The following ERG28 variants were observed in gnomAD, a reference collection of about 807,000 sequenced individuals.
ERG28 encodes ergosterol biosynthesis 28 homolog.
Under a neutral mutation model 15.7 loss-of-function variants are expected in ERG28, and 9 were observed. The ratio of observed to expected loss-of-function variants is 0.57; its 90% CI spans 0.35 to 1.00. ERG28 has a LOEUF of 1.00. Among genes scored for constraint, ERG28 ranks in the 50% least tolerant of loss-of-function variants. The probability of loss-of-function intolerance (pLI) is 0.02; values close to 1 mark genes in which losing one functional copy is unlikely to be tolerated. For missense variants in ERG28, 117 were observed against 173.3 expected (o/e 0.68, Z 1.82); for synonymous variants, 61 against 68.4 (o/e 0.89, Z 0.53).
rs572678895 is a variant in ERG28 at position 75,655,810 on chromosome 14, A to G, written c.134-834T>C. Among the ~76,000 whole-genome samples the G allele has an allele frequency of 7.9e-5, 12 of 152,334 alleles. No homozygotes were observed. In the South Asian group the frequency reaches 2.1e-3, roughly 26 times the overall value. ...GTTTGGGTAATTTAAATGCAAAACC[A>G]TTGAGCTAAGGCATCCAGTGGCTCG... is the stretch of plus-strand genomic sequence containing the variant. On this transcript the variant is annotated intron_variant, in intron 2 of 4. Transcript: ENST00000256319.
chr14:75,653,419 T>C (rs1460861857), intron 3 of ERG28, among the ~76,000 whole-genome samples: 2 of 151,462 alleles, frequency 1.3e-5, no homozygotes, highest in African/African-American at 4.9e-5. Flanking sequence ...CTGGCCAACA[T>C]GGTGAGAACC....
rs1258945695 is a variant in ERG28 at position 75,656,311 on chromosome 14, CACACACACACACAT to C, written c.133+1045_133+1058del. 6.1e-3 allele frequency among the ~76,000 whole-genome samples: 902 copies of C among 148,836 alleles called. 8 individuals carry two copies. The highest frequency in any genetic ancestry group is 0.022 in the African/African-American group (849 of 38,824). On this transcript the variant is annotated intron_variant, in intron 2 of 4. Coordinates refer to ENST00000256319, the MANE Select transcript of ERG28 (RefSeq NM_007176.4). ...ACACACACACACACACACACACACA[CACACACACACACAT>C]AAAGTTCTGCTCAGCTATATGCCTT...
At chr14:75,659,506 C>A (rs1344888808) in intron 1 of ERG28, among the ~76,000 whole-genome samples, 1 of 151,438 alleles carries the variant, frequency 6.6e-6, no homozygotes, top group Non-Finnish European at 1.5e-5. Context: ...CTGATCCACT[C>A]ACCTTGGCCT....
At chr14:75,656,315 CACACACACAT>C (rs774070407) in intron 2 of ERG28, among the ~76,000 whole-genome samples, 1,918 of 145,798 alleles carry the variant, frequency 0.013, 17 homozygotes, top group South Asian at 0.034. Flanking sequence ...CACACACACA[CACACACACAT>C]AAAGTTCTGC....
intron 2 of ERG28, among the ~76,000 whole-genome samples, chr14:75,656,279 AACACACAC>A (rs34053718): frequency 0.012 from 1,635 of 135,960 alleles, 25 homozygotes; most frequent in African/African-American, 0.037. Context: ...GTGCTGGCTG[AACACACAC>A]ACACACACAC....
chr14:75,658,661 G>T (rs1298729135), intron 1 of ERG28, among the ~76,000 whole-genome samples: 2 of 152,226 alleles, frequency 1.3e-5, no homozygotes, highest in East Asian at 3.8e-4. Flanking sequence ...AAAGTGAACA[G>T]GGTTCATATG....
rs1326266174 is a variant in ERG28, at chr14:75,657,421, G to C, written c.82C>G (p.Arg28Gly). ...TTTTCATAGAGAAAAGTGTGGTCTC[G>C]GAAGCTCTGCAGCGTGTTCCCCATG... ...IAMGNTLQSF[R>G]DHTFLYEKLY... Residue 28 changes from arginine (R) to glycine (G), a missense_variant, in exon 2 of 5, where the codon CGA (arginine) becomes GGA (glycine). Arg to Gly is a moderately radical substitution (Grantham distance 125). Coordinates refer to ENST00000256319, the MANE Select transcript of ERG28 (RefSeq NM_007176.4). 1 of 1,613,272 alleles carries C rather than the reference G, an allele frequency of 6.2e-7. No individual in the cohort carries two copies. The highest frequency in any genetic ancestry group is 1.3e-5 in the African/African-American group (1 of 74,696).
chr14:75,658,418 G>A (rs960058415), intron 1 of ERG28, among the ~76,000 whole-genome samples: 2 of 152,072 alleles, frequency 1.3e-5, no homozygotes, highest in African/African-American at 4.8e-5. Context: ...AACAATTGCA[G>A]CTCATCCAGC....
intron 3 of ERG28, among the ~76,000 whole-genome samples, chr14:75,653,848 G>T (rs1416012544): frequency 6.6e-6 from 1 of 151,962 alleles, no homozygotes; most frequent in African/African-American, 2.4e-5. Flanking sequence ...CTACTGCAAA[G>T]CTAGTTACCA....
chr14:75,651,733 C>T lies in ERG28; in HGVS notation c.343+38G>A, dbSNP rs760938402. ...CTCTGTACTAGCTCTAGAGCTGGCA[C>T]AGCTCCTGTAGGAGGTCTAGGGTGG... On this transcript the variant is annotated intron_variant, in intron 4 of 4. Transcript: ENST00000256319. The T allele has an allele frequency of 3.1e-6, 5 of 1,595,792 alleles. No homozygotes were observed. In the South Asian group the frequency reaches 3.3e-5, roughly 11 times the overall value.
chr14:75,654,719 C>G (rs1476258850), intron 3 of ERG28, among the ~76,000 whole-genome samples, 167 bp downstream of exon 3: 1 of 152,206 alleles, frequency 6.6e-6, no homozygotes, highest in Non-Finnish European at 1.5e-5. Flanking sequence ...GTTAGGTCTA[C>G]TATGTTTTCT....
chr14:75,653,261 G>C (rs559828930), intron 3 of ERG28, among the ~76,000 whole-genome samples: 1 of 152,262 alleles, frequency 6.6e-6, no homozygotes, highest in African/African-American at 2.4e-5. Context: ...AGCGTTTGCA[G>C]CTGTCCTGTG....
At chr14:75,656,091 T>C (rs919755452) in intron 2 of ERG28, among the ~76,000 whole-genome samples, 15 of 152,292 alleles carry the variant, frequency 9.8e-5, no homozygotes, top group African/African-American at 2.9e-4. Flanking sequence ...CTATATTCTT[T>C]ATAAACCAAT....
At chr14:75,651,942 G>C in intron 3 of ERG28, 53 bp from the exon 4 acceptor site, 1 of 1,476,734 alleles carries the variant, frequency 6.8e-7, no homozygotes, top group Non-Finnish European at 9.5e-7. Context: ...GTTCAGAACA[G>C]AGGAAAAGTA....
intron 2 of ERG28, 64 bp downstream of exon 2, chr14:75,657,306 A>C (rs1339421307): frequency 6.4e-7 from 1 of 1,565,796 alleles, no homozygotes; most frequent in African/African-American, 1.4e-5. Context: ...CTGGTTTGGG[A>C]ACCACAGCAT....
Position 75,651,551 on chromosome 14 carries a change from G to A in ERG28, c.*4C>T. On this transcript the variant is annotated 3_prime_UTR_variant, in exon 5 of 5. Transcript: ENST00000256319. ...AGAAAGTCCTGGAGGTGATAATGCT[G>A]GCCTCAGTTTCTCTTCTTCTGTCTG... 6.2e-7 allele frequency: 1 copy of A among 1,606,208 alleles called. No individual in the cohort carries two copies. Among genetic ancestry groups the A allele is most frequent in the Non-Finnish European group, 8.5e-7 (1 of 1,173,352 alleles).
chr14:75,651,531 G>T lies in ERG28; in HGVS notation c.*24C>A. The T allele has an allele frequency of 6.3e-7, 1 of 1,592,788 alleles. No homozygotes were observed. The highest frequency in any genetic ancestry group is 8.6e-7 in the Non-Finnish European group (1 of 1,161,956). On this transcript the variant is annotated 3_prime_UTR_variant, in exon 5 of 5. Coordinates refer to ENST00000256319, the MANE Select transcript of ERG28 (RefSeq NM_007176.4). ...GATGGCCAAGGTGGAAAACGAGAAA[G>T]TCCTGGAGGTGATAATGCTGGCCTC...
chr14:75,652,067 C>A (rs1890533321), intron 3 of ERG28, among the ~76,000 whole-genome samples, 178 bp from the exon 4 acceptor site: 1 of 152,176 alleles, frequency 6.6e-6, no homozygotes, highest in South Asian at 2.1e-4. Context: ...TCATCTAGGG[C>A]AAAACTGAAG....
chr14:75,658,275 G>A (rs1286106992), intron 1 of ERG28, among the ~76,000 whole-genome samples: 1 of 152,012 alleles, frequency 6.6e-6, no homozygotes, highest in Non-Finnish European at 1.5e-5. Flanking sequence ...TTATAAACAA[G>A]ACCTAAGGCC....
Sources: allele counts gnomAD v4.1 joint callset (sites outside exome capture counted in the v4.1 genomes callset), GRCh38; gene constraint gnomAD v4.1.1; transcripts MANE v1.5; gene names NCBI Gene and HGNC (gene_info 2026-07-23, HGNC 2026-07-21).